PKHD1: variants seen among roughly 807,000 people sequenced by gnomAD.
The protein encoded by PKHD1 is fibrocystin.
A neutral mutation model predicts 412.0 loss-of-function variants in PKHD1; 291 were observed. The ratio of observed to expected loss-of-function variants is 0.71; its 90% CI spans 0.64 to 0.78. The LOEUF (loss-of-function observed/expected upper bound fraction) is 0.78. Ranked by LOEUF, PKHD1 falls within the 30% of genes least tolerant of loss-of-function variation. The probability of loss-of-function intolerance (pLI) is 0.00; values close to 1 mark genes in which losing one functional copy is unlikely to be tolerated. For synonymous variants in PKHD1, 1,777 were observed against 1,821.5 expected (o/e 0.98, Z 0.62); for missense variants, 4,825 against 4,950.7 (o/e 0.97, Z 0.76).
chr6:51,902,516 G>A lies in PKHD1; in HGVS notation c.6996+1081C>T, dbSNP rs564445083. ...GAACAAACATAATTAAGAATCTAAG[G>A]AAGAAGAGATAACCACTACTTTTAC... On this transcript the variant is annotated intron_variant, in intron 43 of 66. Coordinates refer to ENST00000371117, the MANE Select transcript of PKHD1 (RefSeq NM_138694.4). Among the ~76,000 whole-genome samples, 3 of 152,192 alleles carry A rather than the reference G, an allele frequency of 2.0e-5. No individual in the cohort carries two copies. In the East Asian group the frequency reaches 5.8e-4, roughly 29 times the overall value.
chr6:52,017,288 G>C, intron 34 of PKHD1, 122 bp downstream of exon 34: 1 of 767,202 alleles, frequency 1.3e-6, no homozygotes. Flanking sequence ...CCCTCCAAGA[G>C]AGTTGTAGCC....
chr6:51,681,992 T>C (rs890664096), intron 60 of PKHD1, among the ~76,000 whole-genome samples: 1 of 152,094 alleles, frequency 6.6e-6, no homozygotes, highest in Non-Finnish European at 1.5e-5. Context: ...AGATGGAAGC[T>C]GATCTTTCAG....
intron 52 of PKHD1, among the ~76,000 whole-genome samples, chr6:51,825,614 A>T (rs1220656616): frequency 6.6e-6 from 1 of 152,210 alleles, no homozygotes; most frequent in Non-Finnish European, 1.5e-5. Context: ...ACCACAGTCC[A>T]GCCACTATCT....
intron 63 of PKHD1, among the ~76,000 whole-genome samples, chr6:51,644,244 C>T (rs1769779623): frequency 6.6e-6 from 1 of 151,670 alleles, no homozygotes; most frequent in South Asian, 2.1e-4. Flanking sequence ...TTGAAAACAA[C>T]ATCAAATGAT....
At chr6:51,950,220 A>AAAAAAAAAAAAAAAAAAAATATAT in intron 36 of PKHD1, among the ~76,000 whole-genome samples, 4 of 98,298 alleles carry the variant, frequency 4.1e-5, no homozygotes, top group African/African-American at 1.5e-4. Context: ...GAAAAAAAAA[A>AAAAAAAAAAAAAAAAAAAATATAT]ATATATATAT....
intron 49 of PKHD1, among the ~76,000 whole-genome samples, chr6:51,850,647 T>C (rs1772044051): frequency 6.6e-6 from 1 of 152,202 alleles, no homozygotes; most frequent in Non-Finnish European, 1.5e-5. Context: ...TTTATTCTCT[T>C]TGTAGCAATT....
intron 21 of PKHD1, among the ~76,000 whole-genome samples, chr6:52,051,316 A>G (rs1362048812): frequency 6.6e-6 from 1 of 152,242 alleles, no homozygotes; most frequent in African/African-American, 2.4e-5. Flanking sequence ...ATCCAGTGGT[A>G]GTGGGAGATA....
chr6:52,080,378 G>A (rs549233058), intron 4 of PKHD1, among the ~76,000 whole-genome samples: 8 of 152,270 alleles, frequency 5.3e-5, no homozygotes, highest in South Asian at 4.1e-4. Context: ...AGCTTCAAAC[G>A]TTAAGGGCAA....
intron 60 of PKHD1, among the ~76,000 whole-genome samples, chr6:51,692,287 A>ACACACACC (rs1778264310): frequency 6.6e-6 from 1 of 151,600 alleles, no homozygotes; most frequent in Non-Finnish European, 1.5e-5. Flanking sequence ...ACACACACAC[A>ACACACACC]CACCACTGAG....
intron 52 of PKHD1, among the ~76,000 whole-genome samples, chr6:51,819,055 C>T (rs1053362024): frequency 6.6e-6 from 1 of 152,184 alleles, no homozygotes; most frequent in Admixed American, 6.5e-5. Flanking sequence ...ACCCAAACCC[C>T]TAATTCTTAA....
chr6:51,678,643 T>C (rs751696123), intron 60 of PKHD1, among the ~76,000 whole-genome samples: 14 of 152,120 alleles, frequency 9.2e-5, no homozygotes, highest in Non-Finnish European at 1.9e-4. Context: ...CCTGTGCACA[T>C]GTGTCTATGA....
chr6:51,759,235 A>C (rs748996709), intron 55 of PKHD1, among the ~76,000 whole-genome samples: 7 of 152,156 alleles, frequency 4.6e-5, no homozygotes, highest in Non-Finnish European at 1.0e-4. Context: ...GCTATAGTCA[A>C]TACCAATTAT....
intron 34 of PKHD1, among the ~76,000 whole-genome samples, chr6:52,015,842 A>G (rs534167398): frequency 9.7e-4 from 147 of 152,224 alleles, no homozygotes; most frequent in African/African-American, 3.5e-3. Context: ...AAGAAAAAAG[A>G]AAACATACCC....
In PKHD1 at chr6:52,023,612, C is replaced by T. The variant is rs79863900; in HGVS notation, c.5237-668G>A. Reference sequence around the variant, plus strand: ...CATTTGTATGAGTAAAACCAGTCCACATTTCTAGTTTACACTGAGATACAG... The same window carrying T: ...CATTTGTATGAGTAAAACCAGTCCATATTTCTAGTTTACACTGAGATACAG... On this transcript the variant is annotated intron_variant, in intron 32 of 66. Coordinates refer to ENST00000371117, the MANE Select transcript of PKHD1 (RefSeq NM_138694.4). Among the ~76,000 whole-genome samples the T allele has an allele frequency of 4.9e-3, 752 of 152,244 alleles. 1 individual carries two copies. The highest frequency in any genetic ancestry group is 8.3e-3 in the Non-Finnish European group (562 of 68,012).
chr6:51,854,393 T>G (rs1188571994), intron 49 of PKHD1, among the ~76,000 whole-genome samples: 3 of 152,062 alleles, frequency 2.0e-5, no homozygotes, highest in African/African-American at 7.2e-5. Context: ...TGTTGGAGGA[T>G]CTCACCCAGT....
At chr6:51,657,269 A>C (rs1772027898) in intron 61 of PKHD1, among the ~76,000 whole-genome samples, 1 of 152,084 alleles carries the variant, frequency 6.6e-6, no homozygotes, top group Non-Finnish European at 1.5e-5. Context: ...CTGGCTCTGG[A>C]GACTGTGTCG....
chr6:52,005,152 A>T (rs1237942182), intron 35 of PKHD1, among the ~76,000 whole-genome samples: 2 of 152,122 alleles, frequency 1.3e-5, no homozygotes, highest in Admixed American at 1.3e-4. Flanking sequence ...ACATTCCTTG[A>T]CTATTGAGTG....
At position 51,880,845 on chromosome 6, in the gene PKHD1, G is replaced by A. The variant is rs1172508693; in HGVS notation, c.7350+2248C>T. 9.1e-5 allele frequency among the ~76,000 whole-genome samples: 13 copies of A among 142,328 alleles called. No individual in the cohort carries two copies. The East Asian group carries it at 2.5e-3, about 28-fold the overall frequency. The allele number at this position is 142,328 out of a possible 152,430, so 93.4% of individuals were successfully genotyped here. A position where few individuals can be genotyped will look rare whatever the true frequency, so the allele number is the denominator to read the frequency against. ...GCCAGGCGTGGTGGCAGGTGCCTGTGGTCCCAGCTACTCAGGAGGCTGAGG... is the reference window on the plus strand; with the variant it reads ...GCCAGGCGTGGTGGCAGGTGCCTGTAGTCCCAGCTACTCAGGAGGCTGAGG... On this transcript the variant is annotated intron_variant, in intron 46 of 66. Coordinates refer to ENST00000371117, the MANE Select transcript of PKHD1 (RefSeq NM_138694.4).
In PKHD1 at chr6:51,950,836, G is replaced by A. The variant is rs548582052; in HGVS notation, c.5908+9034C>T. Among the ~76,000 whole-genome samples, 5 of 152,070 alleles carry A rather than the reference G, an allele frequency of 3.3e-5. No individual in the cohort carries two copies. The East Asian group carries it at 9.7e-4, about 29-fold the overall frequency. ...GTTTCCAGCTCCTCTGCTAGGTACC[G>A]AAATAAAAATGTAAAATAGAGTCTC... is the stretch of plus-strand genomic sequence containing the variant. On this transcript the variant is annotated intron_variant, in intron 36 of 66. Coordinates refer to ENST00000371117, the MANE Select transcript of PKHD1 (RefSeq NM_138694.4).
Sources: gnomAD v4.1 joint callset for allele counts (sites outside exome capture counted in the v4.1 genomes callset) on GRCh38, gnomAD v4.1.1 for gene constraint, MANE v1.5 for transcripts, NCBI Gene and HGNC (gene_info 2026-07-23, HGNC 2026-07-21) for gene names.